The following ARL6IP1 variants were observed in gnomAD, a reference collection of about 807,000 sequenced individuals.
ARL6IP1 encodes ARL6 interacting reticulophagy regulator 1, also known as ADP-ribosylation factor-like protein 6-interacting protein 1.
In ARL6IP1, 16 loss-of-function variants were observed where a neutral mutation model predicts 30.1. That is an observed-to-expected ratio of 0.53 (90% CI 0.36 to 0.81). ARL6IP1 has a LOEUF of 0.81. ARL6IP1 is among the 30% of genes least tolerant of loss of function. The pLI, the probability that ARL6IP1 is intolerant of heterozygous loss-of-function variation, is 0.01. For synonymous variants in ARL6IP1, 72 were observed against 84.8 expected (o/e 0.85, Z 0.83); for missense variants, 173 against 242.7 (o/e 0.71, Z 1.91).
At chr16:18,798,307 G>T (rs1334609847) in intron 2 of ARL6IP1, 6 of 351,004 alleles carry the variant, frequency 1.7e-5, no homozygotes, top group Non-Finnish European at 2.6e-5. Context: ...GGGGACTAGG[G>T]GAGGGATAGC....
intron 5 of ARL6IP1, among the ~76,000 whole-genome samples, chr16:18,793,964 T>C (rs1271551422): frequency 6.6e-6 from 1 of 152,122 alleles, no homozygotes; most frequent in African/African-American, 2.4e-5. Flanking sequence ...TCAGAGGTTA[T>C]TACGTGTGTA....
chr16:18,799,731 C>T (rs1387329827), intron 1 of ARL6IP1, among the ~76,000 whole-genome samples: 1 of 152,200 alleles, frequency 6.6e-6, no homozygotes, highest in Non-Finnish European at 1.5e-5. Context: ...TGGCATTTTA[C>T]GGTCAATATA....
At chr16:18,798,446 C>G (rs894157340) in intron 2 of ARL6IP1, 1 of 408,968 alleles carries the variant, frequency 2.4e-6, no homozygotes, top group Non-Finnish European at 4.3e-6. Context: ...AGTATAATAA[C>G]AAAAAAAGAG....
chr16:18,795,922 G>A (rs1018409846), intron 3 of ARL6IP1, among the ~76,000 whole-genome samples: 14 of 152,100 alleles, frequency 9.2e-5, no homozygotes, highest in Admixed American at 2.6e-4. Context: ...ATTTGATTTT[G>A]CTATTCCTAA....
chr16:18,797,206 C>G (rs1016049037), intron 3 of ARL6IP1, among the ~76,000 whole-genome samples: 3 of 135,432 alleles, frequency 2.2e-5, no homozygotes, highest in African/African-American at 9.1e-5. Flanking sequence ...GGTGAAACCC[C>G]GTCTCTACTA....
At chr16:18,801,341 G>A in intron 1 of ARL6IP1, 90 bp downstream of exon 1, 1 of 1,571,594 alleles carries the variant, frequency 6.4e-7, no homozygotes, top group Non-Finnish European at 8.6e-7. Flanking sequence ...CGGGCCCGCG[G>A]CGGGTGACAG....
intron 3 of ARL6IP1, 171 bp downstream of exon 3, chr16:18,797,754 A>T: frequency 2.5e-6 from 2 of 785,694 alleles, no homozygotes; most frequent in Non-Finnish European, 2.0e-6. Context: ...CAGAAAATTC[A>T]TAGTTTATAT....
In ARL6IP1 at chr16:18,797,976, G is replaced by A. The variant is rs779451240; in HGVS notation, c.239C>T (p.Ala80Val). ...CGCTAGAATGGGAACAAGGTAGTCA[G>A]CCAAGCACAAAAACATAACAAAACA... ...VSCFVMFLCL[A>V]DYLVPILAPR... is the part of the protein sequence containing the mutation. Residue 80 changes from alanine to valine, a missense_variant, in exon 3 of 6, where the codon GCT (alanine) becomes GTT (valine). Transcript: ENST00000304414. 23 of 1,613,908 alleles carry A rather than the reference G, an allele frequency of 1.4e-5. No individual in the cohort carries two copies. Among genetic ancestry groups the A allele is most frequent in the Non-Finnish European group, 1.9e-5 (23 of 1,179,938 alleles).
intron 1 of ARL6IP1, among the ~76,000 whole-genome samples, chr16:18,800,123 A>ATTTCTAGTGT (rs1184528185): frequency 4.6e-5 from 7 of 152,214 alleles, no homozygotes; most frequent in Non-Finnish European, 8.8e-5. Flanking sequence ...GCTGAGCACT[A>ATTTCTAGTGT]GTGTGATCTC....
intron 4 of ARL6IP1, among the ~76,000 whole-genome samples, chr16:18,794,958 C>A (rs186338443): frequency 6.6e-6 from 1 of 151,384 alleles, no homozygotes; most frequent in Admixed American, 6.6e-5. Flanking sequence ...AATAACTTCA[C>A]GGAACAGCCT....
intron 3 of ARL6IP1, chr16:18,797,658 A>T (rs963064454): frequency 4.0e-6 from 1 of 252,922 alleles, no homozygotes; most frequent in African/African-American, 2.2e-5. Flanking sequence ...ATTCAAAAAT[A>T]ATTTGTGAAG....
Position 18,794,650 on chromosome 16 carries a change from C to G in ARL6IP1, c.442G>C (p.Val148Leu). 1 of 1,613,460 alleles carries G rather than the reference C, an allele frequency of 6.2e-7. No individual in the cohort carries two copies. Among genetic ancestry groups the G allele is most frequent in the Non-Finnish European group, 8.5e-7 (1 of 1,179,610 alleles). Reference protein sequence around the residue: ...FMTMIVSLAAVAWVGQQVHNL... With the variant: ...FMTMIVSLAALAWVGQQVHNL... Reference sequence around the variant, plus strand: ...TGGACTTGTTGTCCCACCCAAGCAACCGCAGCAAGGGAAACGATCATGGTC... The same window carrying G: ...TGGACTTGTTGTCCCACCCAAGCAAGCGCAGCAAGGGAAACGATCATGGTC... The change falls in exon 5 of 6, where the codon GTT (valine) becomes CTT (leucine). Residue 148 changes from valine to leucine, a missense_variant. Coordinates refer to ENST00000304414, the MANE Select transcript of ARL6IP1 (RefSeq NM_015161.3).
chr16:18,798,000 C>A lies in ARL6IP1; in HGVS notation c.215G>T (p.Cys72Phe). 1 of 1,613,700 alleles carries A rather than the reference C, an allele frequency of 6.2e-7. No homozygotes were observed. The highest frequency in any genetic ancestry group is 8.5e-7 in the Non-Finnish European group (1 of 1,179,830). ...AGCCAAGCACAAAAACATAACAAAA[C>A]AGGAAACGCCGGACAGAACAGATGG... ...LDPSVLSGVS[C>F]FVMFLCLADY... The change falls in exon 3 of 6, where the codon TGT becomes TTT. Residue 72 changes from cysteine (C) to phenylalanine (F), a missense_variant. By Grantham distance (205) the Cys-to-Phe change is radical (BLOSUM62 -2). Transcript: ENST00000304414.
Position 18,794,971 on chromosome 16 carries a change from C to T in ARL6IP1, c.409-288G>A, listed in dbSNP as rs569987382. On this transcript the variant is annotated intron_variant, in intron 4 of 5. Transcript: ENST00000304414. ...TTAATAACTTCACGGAACAGCCTCACGACGTGAAGCTTACAGATAAGAGAA... is the reference window on the plus strand; with the variant it reads ...TTAATAACTTCACGGAACAGCCTCATGACGTGAAGCTTACAGATAAGAGAA... 5.3e-5 allele frequency among the ~76,000 whole-genome samples: 8 copies of T among 151,500 alleles called. No homozygotes were observed. In the South Asian group the frequency reaches 1.0e-3, roughly 20 times the overall value.
chr16:18,801,008 C>G (rs907257218), intron 1 of ARL6IP1, among the ~76,000 whole-genome samples: 1 of 152,236 alleles, frequency 6.6e-6, no homozygotes, highest in African/African-American at 2.4e-5. Flanking sequence ...TGACCCTCCA[C>G]CCTTGTCCAA....
chr16:18,793,555 C>G (rs1054480113), intron 5 of ARL6IP1, among the ~76,000 whole-genome samples, 185 bp from the exon 6 acceptor site: 1 of 151,668 alleles, frequency 6.6e-6, no homozygotes, highest in Non-Finnish European at 1.5e-5. Flanking sequence ...CCTCAGCTAC[C>G]CAAGTAGCTG....
chr16:18,797,800 TA>T (rs1387729564), intron 3 of ARL6IP1, 124 bp downstream of exon 3: 3 of 1,219,592 alleles, frequency 2.5e-6, no homozygotes, highest in Middle Eastern at 3.0e-4. Flanking sequence ...ATAAAAGCAA[TA>T]AATCTAATGC....
chr16:18,798,097 C>T, intron 2 of ARL6IP1, 53 bp from the exon 3 acceptor site: 1 of 1,477,986 alleles, frequency 6.8e-7, no homozygotes, highest in Non-Finnish European at 9.2e-7. Flanking sequence ...TTATTCCTAA[C>T]TAAACATGTC....
intron 1 of ARL6IP1, chr16:18,801,143 G>T: frequency 7.5e-7 from 1 of 1,329,160 alleles, no homozygotes; most frequent in Non-Finnish European, 9.7e-7. Context: ...GCCCCCACCC[G>T]CACCCCAGGC....
Sources: gnomAD v4.1 joint callset for allele counts (sites outside exome capture counted in the v4.1 genomes callset) on GRCh38, gnomAD v4.1.1 for gene constraint, MANE v1.5 for transcripts, NCBI Gene and HGNC (gene_info 2026-07-23, HGNC 2026-07-21) for gene names.